Variants in KCNB2 observed in about 807,000 individuals in gnomAD.
KCNB2 encodes delayed rectifier potassium channel protein.
A neutral mutation model predicts 61.5 loss-of-function variants in KCNB2; 15 were observed. The observed-to-expected ratio is 0.24, with a 90% CI of 0.16 to 0.38. KCNB2 has a LOEUF of 0.38. KCNB2 is among the 10% of genes least tolerant of loss of function. The pLI, the probability that KCNB2 is intolerant of heterozygous loss-of-function variation, is 1.00. For synonymous variants in KCNB2, 457 were observed against 446.0 expected, an observed-to-expected ratio of 1.02 and a Z score of -0.31; for missense variants, 828 against 1,125.2, an observed-to-expected ratio of 0.74 and a Z score of 3.78.
At chr8:72,750,977 T>G (rs368713484) in intron 2 of KCNB2, 12 of 152,242 alleles carry the variant, frequency 7.9e-5, no homozygotes, top group African/African-American at 2.6e-4. Context: ...ATGGAAAAAC[T>G]TGGCCCCATC....
chr8:72,866,619 G>T (rs144347985), intron 2 of KCNB2, among the ~76,000 whole-genome samples: 2,474 of 152,176 alleles, frequency 0.016, 22 homozygotes, highest in Middle Eastern at 0.082. Context: ...ATCCTTTTGG[G>T]AATACACGTT....
At chr8:72,839,972 A>T (rs1282692001) in intron 2 of KCNB2, among the ~76,000 whole-genome samples, 1 of 151,264 alleles carries the variant, frequency 6.6e-6, no homozygotes. Flanking sequence ...CAGGTTTGTT[A>T]CATAGTTATA....
chr8:72,854,555 A>T (rs1255335487), intron 2 of KCNB2, among the ~76,000 whole-genome samples: 1 of 152,200 alleles, frequency 6.6e-6, no homozygotes, highest in African/African-American at 2.4e-5. Context: ...GAGGAGAAAC[A>T]TATACGACAC....
At chr8:72,543,728 G>A (rs1806222710) in intron 1 of KCNB2, among the ~76,000 whole-genome samples, 1 of 152,214 alleles carries the variant, frequency 6.6e-6, no homozygotes, top group Non-Finnish European at 1.5e-5. Context: ...ATGTGTAAAA[G>A]TTATGGAGGA....
At position 72,892,987 on chromosome 8, in the gene KCNB2, A is replaced by C. The variant is rs145507758; in HGVS notation, c.580-42948A>C. ...GATCAACCCTTGGGAATATTTAATG[A>C]TTTTGTCCTGGACTACTGCACAGTG... On this transcript the variant is annotated intron_variant, in intron 2 of 2. Transcript: ENST00000523207. Among the ~76,000 whole-genome samples, 14 of 152,094 alleles carry C rather than the reference A, an allele frequency of 9.2e-5. 1 individual carries two copies. The East Asian group carries it at 2.5e-3, about 27-fold the overall frequency.
At chr8:72,889,341 G>GCCT (rs1805858332) in intron 2 of KCNB2, among the ~76,000 whole-genome samples, 1 of 152,142 alleles carries the variant, frequency 6.6e-6, no homozygotes, top group Admixed American at 6.6e-5. Context: ...TTTTCACACA[G>GCCT]CCTCACTCAA....
intron 2 of KCNB2, among the ~76,000 whole-genome samples, chr8:72,786,160 C>A (rs1808843012): frequency 6.6e-6 from 1 of 151,866 alleles, no homozygotes; most frequent in Non-Finnish European, 1.5e-5. Context: ...CATGTCAAAT[C>A]CTACAAGCAC....
At chr8:72,796,971 A>G (rs963664961) in intron 2 of KCNB2, among the ~76,000 whole-genome samples, 1 of 152,196 alleles carries the variant, frequency 6.6e-6, no homozygotes, top group Admixed American at 6.5e-5. Flanking sequence ...TTTTTAGGTG[A>G]ATCTGATAAC....
intron 2 of KCNB2, among the ~76,000 whole-genome samples, chr8:72,887,946 G>T (rs1805832942): frequency 6.6e-6 from 1 of 152,228 alleles, no homozygotes; most frequent in Admixed American, 6.5e-5. Context: ...TTACTTGGAA[G>T]ATACACCCAA....
At chr8:72,637,001 G>A (rs1805975778) in intron 2 of KCNB2, among the ~76,000 whole-genome samples, 1 of 152,068 alleles carries the variant, frequency 6.6e-6, no homozygotes. Context: ...GAGTCGAAAG[G>A]TAAGAGTGGT....
intron 2 of KCNB2, among the ~76,000 whole-genome samples, chr8:72,800,099 C>T (rs544325860): frequency 1.1e-4 from 16 of 152,076 alleles, no homozygotes; most frequent in East Asian, 3.9e-4. Context: ...GGAACTGAAA[C>T]GATCAGAATT....
intron 2 of KCNB2, among the ~76,000 whole-genome samples, chr8:72,761,007 C>T (rs1808369554): frequency 6.6e-6 from 1 of 152,184 alleles, no homozygotes; most frequent in African/African-American, 2.4e-5. Flanking sequence ...CAAGTGGTCA[C>T]TGGGTAACTT....
chr8:72,581,371 G>C (rs1165317252), intron 2 of KCNB2, among the ~76,000 whole-genome samples: 1 of 152,070 alleles, frequency 6.6e-6, no homozygotes, highest in Admixed American at 6.6e-5. Context: ...GATTTTGACT[G>C]TGCTGTGTTC....
intron 2 of KCNB2, among the ~76,000 whole-genome samples, chr8:72,584,566 T>A (rs924241118): frequency 6.6e-6 from 1 of 152,194 alleles, no homozygotes; most frequent in African/African-American, 2.4e-5. Flanking sequence ...AAATATATAT[T>A]TTTTAAATTT....
At chr8:72,800,231 A>G (rs984995468) in intron 2 of KCNB2, among the ~76,000 whole-genome samples, 2 of 152,160 alleles carry the variant, frequency 1.3e-5, no homozygotes, top group African/African-American at 4.8e-5. Context: ...AATTTTAAAA[A>G]TAGACCTTTA....
chr8:72,926,772 A>C (rs73319479), intron 2 of KCNB2, among the ~76,000 whole-genome samples: 3 of 152,120 alleles, frequency 2.0e-5, no homozygotes, highest in Admixed American at 6.6e-5. Flanking sequence ...TACTTCATAT[A>C]TATTTGAATA....
intron 2 of KCNB2, among the ~76,000 whole-genome samples, chr8:72,762,300 G>A (rs890211899): frequency 2.0e-5 from 3 of 152,208 alleles, no homozygotes; most frequent in African/African-American, 4.8e-5. Context: ...TACGACATCT[G>A]TACCTATTCC....
intron 1 of KCNB2, among the ~76,000 whole-genome samples, chr8:72,545,284 G>A (rs1473873280): frequency 6.6e-6 from 1 of 152,116 alleles, no homozygotes; most frequent in Non-Finnish European, 1.5e-5. Flanking sequence ...TTTTTATGGT[G>A]CTTTGTTTTA....
rs758042900 is a variant in KCNB2, at chr8:72,937,033, T to A, written c.1678T>A (p.Cys560Ser). 6.2e-7 allele frequency: 1 copy of A among 1,613,988 alleles called. No individual in the cohort carries two copies. Among genetic ancestry groups the A allele is most frequent in the Non-Finnish European group, 8.5e-7 (1 of 1,179,994 alleles). ...TQPHSHPNPD[C>S]QEKPERPSAY... ...GCCTCATTCTCACCCAAACCCAGACTGCCAAGAAAAGCCTGAGAGGCCATC... is the reference window on the plus strand; with the variant it reads ...GCCTCATTCTCACCCAAACCCAGACAGCCAAGAAAAGCCTGAGAGGCCATC... The change falls in exon 3 of 3, where the codon TGC (cysteine) becomes AGC (serine). Residue 560 changes from cysteine to serine, a missense_variant. Coordinates refer to ENST00000523207, the MANE Select transcript of KCNB2 (RefSeq NM_004770.3).
Sources: gnomAD v4.1 joint callset for allele counts (sites outside exome capture counted in the v4.1 genomes callset) on GRCh38, gnomAD v4.1.1 for gene constraint, MANE v1.5 for transcripts, NCBI Gene and HGNC (gene_info 2026-07-23, HGNC 2026-07-21) for gene names.